Variants in LRRC8D observed in about 807,000 individuals in gnomAD.
The protein encoded by LRRC8D is leucine rich repeat containing 8 VRAC subunit D.
Under a neutral mutation model 55.8 loss-of-function variants are expected in LRRC8D, and 20 were observed. The observed-to-expected ratio is 0.36, with a 90% CI of 0.25 to 0.52. The LOEUF is 0.52. LRRC8D is among the 20% of genes least tolerant of loss of function. The pLI is 0.93. For synonymous variants in LRRC8D, 352 were observed against 377.0 expected (o/e 0.93, Z 0.77); for missense variants, 651 against 1,030.8 (o/e 0.63, Z 5.05).
chr1:89,862,697 A>G (rs1661752235), intron 2 of LRRC8D, among the ~76,000 whole-genome samples: 1 of 152,216 alleles, frequency 6.6e-6, no homozygotes, highest in South Asian at 2.1e-4. Context: ...TACAGCTTAT[A>G]AACTGGAACT....
chr1:89,895,984 C>T (rs1938036), intron 2 of LRRC8D, among the ~76,000 whole-genome samples: 22,436 of 152,212 alleles, frequency 0.15, 1,876 homozygotes, highest in Non-Finnish European at 0.2. Flanking sequence ...TCCTGACAGG[C>T]AAGCGTTAGA....
At chr1:89,891,201 A>G (rs1045878990) in intron 2 of LRRC8D, among the ~76,000 whole-genome samples, 3 of 152,278 alleles carry the variant, frequency 2.0e-5, no homozygotes, top group East Asian at 1.9e-4. Context: ...CTTTCATAAC[A>G]TCAACACTTT....
chr1:89,916,656 C>T (rs927827207), intron 2 of LRRC8D, among the ~76,000 whole-genome samples: 6 of 152,066 alleles, frequency 3.9e-5, no homozygotes, highest in Non-Finnish European at 5.9e-5. Context: ...CTCTGTGTCT[C>T]CTCATCTTTT....
rs755479136 is a variant in LRRC8D at position 89,933,425 on chromosome 1, T to C, written c.357T>C (p.Asp119=). Residue 119 remains aspartate (D), a synonymous_variant, in exon 3 of 3, where the codon GAT becomes GAC. Coordinates refer to ENST00000337338, the MANE Select transcript of LRRC8D (RefSeq NM_001134479.2). This position sits in a 1 kb window ranked among gnomAD's most constrained non-coding sequence, Gnocchi z 7.0. ...IPLRATYPRT[D]FALPNQEAKK... ...TCAGAGCCACATATCCTCGCACAGA[T>C]TTCGCACTTCCAAATCAGGAGGCAA... 20 of 1,613,962 alleles carry C rather than the reference T, an allele frequency of 1.2e-5. No individual in the cohort carries two copies. The Admixed American group carries it at 3.2e-4, about 26-fold the overall frequency.
chr1:89,909,118 A>G (rs956441482), intron 2 of LRRC8D, among the ~76,000 whole-genome samples: 1 of 152,132 alleles, frequency 6.6e-6, no homozygotes, highest in Non-Finnish European at 1.5e-5. Context: ...CAACAACAAT[A>G]ACAACAGAAT....
chr1:89,907,837 A>G (rs1274549023), intron 2 of LRRC8D, among the ~76,000 whole-genome samples: 1 of 152,150 alleles, frequency 6.6e-6, no homozygotes, highest in African/African-American at 2.4e-5. Context: ...GATTTCTTCA[A>G]GAGATTGAAC....
intron 2 of LRRC8D, among the ~76,000 whole-genome samples, chr1:89,923,456 TG>T (rs1280618062): frequency 1.3e-5 from 2 of 152,202 alleles, no homozygotes; most frequent in Non-Finnish European, 2.9e-5. Flanking sequence ...CTTCTCTCAT[TG>T]GCTTAAGTTC....
chr1:89,898,771 C>T (rs1662776637), intron 2 of LRRC8D, among the ~76,000 whole-genome samples: 1 of 152,154 alleles, frequency 6.6e-6, no homozygotes. Flanking sequence ...TCTAAGCATA[C>T]AACTACAAAG....
chr1:89,859,258 C>CT (rs76449111), intron 2 of LRRC8D, among the ~76,000 whole-genome samples: 79 of 140,386 alleles, frequency 5.6e-4, no homozygotes, highest in Middle Eastern at 7.4e-3. Flanking sequence ...TAATTTGACT[C>CT]TTTTTTTTTT....
intron 1 of LRRC8D, chr1:89,821,969 C>T (rs1432148744): frequency 2.6e-5 from 4 of 152,288 alleles, no homozygotes; most frequent in East Asian, 1.9e-4. Context: ...GGGAGCGGGA[C>T]TTCTGCTCAA....
chr1:89,844,082 G>A (rs1029705951), intron 2 of LRRC8D, among the ~76,000 whole-genome samples: 6 of 152,222 alleles, frequency 3.9e-5, no homozygotes, highest in Admixed American at 3.9e-4. Context: ...TCTTCCTGGA[G>A]TCCCCAGCTG....
intron 1 of LRRC8D, among the ~76,000 whole-genome samples, chr1:89,828,558 TC>T (rs1660816303): frequency 6.6e-6 from 1 of 152,228 alleles, no homozygotes; most frequent in Non-Finnish European, 1.5e-5. Flanking sequence ...TTTTTTGGTG[TC>T]ATTTCTAGGT....
intron 2 of LRRC8D, among the ~76,000 whole-genome samples, chr1:89,929,323 G>A (rs148749830): frequency 6.6e-6 from 1 of 152,292 alleles, no homozygotes; most frequent in East Asian, 1.9e-4. Flanking sequence ...CAAGGCAGAG[G>A]AAACAAAGTG....
Position 89,934,943 on chromosome 1 carries a change from C to G in LRRC8D, c.1875C>G (p.Leu625=). 6.2e-7 allele frequency: 1 copy of G among 1,614,134 alleles called. No homozygotes were observed. The highest frequency in any genetic ancestry group is 8.5e-7 in the Non-Finnish European group (1 of 1,180,024). Residue 625 remains leucine, a synonymous_variant, in exon 3 of 3, where the codon CTC becomes CTG. Coordinates refer to ENST00000337338, the MANE Select transcript of LRRC8D (RefSeq NM_001134479.2). This position sits in a 1 kb window ranked among gnomAD's most constrained non-coding sequence, Gnocchi z 5.9. ...TCATTCATAATGACGGCACTAAACTCTTGGTACTGAACAGCCTTAAGAAAA... is the reference window on the plus strand; with the variant it reads ...TCATTCATAATGACGGCACTAAACTGTTGGTACTGAACAGCCTTAAGAAAA... ...KLVIHNDGTK[L]LVLNSLKKMM... is the part of the protein sequence containing the mutation.
rs143308758 is a variant in LRRC8D, at chr1:89,834,803, A to G, written c.-147-8835A>G. On this transcript the variant is annotated intron_variant, in intron 1 of 2. Transcript: ENST00000337338. ...AGAGAATTGATGGGAGAGCTGAGGGAACGTTGGAGCAGCAAAGCATGGAGT... is the reference window on the plus strand; with the variant it reads ...AGAGAATTGATGGGAGAGCTGAGGGGACGTTGGAGCAGCAAAGCATGGAGT... Among the ~76,000 whole-genome samples the G allele has an allele frequency of 1.1e-3, 161 of 152,210 alleles. 1 individual carries two copies. Among genetic ancestry groups the G allele is most frequent in the Non-Finnish European group, 5.7e-4 (39 of 68,002 alleles).
chr1:89,828,823 C>G (rs1660821398), intron 1 of LRRC8D, among the ~76,000 whole-genome samples: 1 of 152,092 alleles, frequency 6.6e-6, no homozygotes. Flanking sequence ...GAGAAAGCTT[C>G]ACTTCCCCAA....
chr1:89,926,694 T>G (rs1414966012), intron 2 of LRRC8D, among the ~76,000 whole-genome samples: 1 of 152,222 alleles, frequency 6.6e-6, no homozygotes, highest in South Asian at 2.1e-4. Context: ...TTCCTCATAC[T>G]GTTGGGCAGT....
chr1:89,922,449 T>G (rs1663447997), intron 2 of LRRC8D, among the ~76,000 whole-genome samples: 1 of 152,264 alleles, frequency 6.6e-6, no homozygotes, highest in African/African-American at 2.4e-5. Context: ...CCAGGATTAC[T>G]CTATGTGCGT....
At chr1:89,878,505 T>C (rs1204398540) in intron 2 of LRRC8D, among the ~76,000 whole-genome samples, 2 of 152,232 alleles carry the variant, frequency 1.3e-5, no homozygotes, top group African/African-American at 4.8e-5. Flanking sequence ...TGGATTGTGT[T>C]TGAATGTATC....
Sources: gnomAD v4.1 joint callset for allele counts (sites outside exome capture counted in the v4.1 genomes callset) on GRCh38, gnomAD v4.1.1 for gene constraint, Gnocchi (gnomAD v3.1) non-coding constraint, MANE v1.5 for transcripts, NCBI Gene and HGNC (gene_info 2026-07-23, HGNC 2026-07-21) for gene names.